KLHDC10: variants seen among roughly 807,000 people sequenced by gnomAD.
The protein encoded by KLHDC10 is kelch domain-containing protein 10.
A neutral mutation model predicts 56.1 loss-of-function variants in KLHDC10; 24 were observed. That is an observed-to-expected ratio of 0.43 (90% CI 0.31 to 0.60). The LOEUF (loss-of-function observed/expected upper bound fraction) is 0.60, where lower values mean the gene tolerates loss of function less well. KLHDC10 is among the 20% of genes least tolerant of loss of function. The pLI is 0.11. For missense variants in KLHDC10, 349 were observed against 567.0 expected, an observed-to-expected ratio of 0.62 and a Z score of 3.91; for synonymous variants, 188 against 207.1, an observed-to-expected ratio of 0.91 and a Z score of 0.79.
In KLHDC10 at chr7:130,120,444, A is replaced by T. The variant is rs568448755; in HGVS notation, c.476-305A>T. Among the ~76,000 whole-genome samples, 2 of 151,918 alleles carry T rather than the reference A, an allele frequency of 1.3e-5. No homozygotes were observed. The highest frequency in any genetic ancestry group is 4.2e-4 in the South Asian group (2 of 4,806). ...GACCAGAAGTGTTTCACATTTCAAAATTTTTTTTTGAATATTTGCATTGTA... is the reference window on the plus strand; with the variant it reads ...GACCAGAAGTGTTTCACATTTCAAATTTTTTTTTTGAATATTTGCATTGTA... On this transcript the variant is annotated intron_variant, in intron 3 of 9. Transcript: ENST00000335420. The surrounding 1 kb of genome is among the most constrained non-coding windows in gnomAD (Gnocchi z 5.1).
At chr7:130,108,609 C>T (rs959391538) in intron 2 of KLHDC10, among the ~76,000 whole-genome samples, 2 of 149,972 alleles carry the variant, frequency 1.3e-5, no homozygotes, top group Admixed American at 6.6e-5. Context: ...GGTCCCAGCA[C>T]TCATCAGGAT....
intron 4 of KLHDC10, among the ~76,000 whole-genome samples, chr7:130,121,841 T>G (rs1796252006): frequency 6.6e-6 from 1 of 152,222 alleles, no homozygotes; most frequent in Non-Finnish European, 1.5e-5. Flanking sequence ...TCCTTTCCAG[T>G]TGAGTAAAGC....
intron 1 of KLHDC10, among the ~76,000 whole-genome samples, chr7:130,084,912 T>TA (rs1795661858): frequency 6.6e-6 from 1 of 152,070 alleles, no homozygotes; most frequent in African/African-American, 2.4e-5. Context: ...GTGTTAAGCT[T>TA]GAGATGCCTA....
chr7:130,129,248 G>A (rs1796363454), intron 8 of KLHDC10, among the ~76,000 whole-genome samples, 189 bp from the exon 9 acceptor site: 2 of 152,162 alleles, frequency 1.3e-5, no homozygotes, highest in Non-Finnish European at 2.9e-5. Context: ...GGAAGACCCT[G>A]ACATAGCATC....
chr7:130,117,849 CAAAAAAA>C lies in KLHDC10; in HGVS notation c.475+1202_475+1208del, dbSNP rs60800057. On this transcript the variant is annotated intron_variant, in intron 3 of 9. Transcript: ENST00000335420. Reference sequence around the variant, plus strand: ...TGGGTGACAGAGTAAGACCCTGTCTCAAAAAAAAAAAAAAAAAAAAAAAAAGAAAAAG... The same window carrying C: ...TGGGTGACAGAGTAAGACCCTGTCTCAAAAAAAAAAAAAAAAAAGAAAAAG... Among the ~76,000 whole-genome samples, 32 of 73,192 alleles carry C rather than the reference CAAAAAAA, an allele frequency of 4.4e-4. No homozygotes were observed. In the Middle Eastern group the frequency reaches 0.035, roughly 80 times the overall value. The allele number at this position is 73,192 out of a possible 152,430, so 48.0% of individuals were successfully genotyped here.
At chr7:130,113,104 C>T (rs912933673) in intron 2 of KLHDC10, among the ~76,000 whole-genome samples, 1 of 152,084 alleles carries the variant, frequency 6.6e-6, no homozygotes, top group African/African-American at 2.4e-5. Context: ...TTTTTGGGTA[C>T]TAAGTCTTTG....
At chr7:130,111,699 C>T (rs372179987) in intron 2 of KLHDC10, among the ~76,000 whole-genome samples, 11 of 151,718 alleles carry the variant, frequency 7.3e-5, no homozygotes, top group Non-Finnish European at 8.8e-5. Context: ...TCAGCCTGAG[C>T]GACAGAGTAA....
chr7:130,119,928 G>T (rs965212560), intron 3 of KLHDC10, among the ~76,000 whole-genome samples: 1 of 151,624 alleles, frequency 6.6e-6, no homozygotes, highest in Non-Finnish European at 1.5e-5. Flanking sequence ...TGAGTGAAGA[G>T]AATACGTGTG....
chr7:130,075,652 T>C (rs1344391501), intron 1 of KLHDC10, among the ~76,000 whole-genome samples: 1 of 152,206 alleles, frequency 6.6e-6, no homozygotes, highest in Non-Finnish European at 1.5e-5. Context: ...CTTTTGCACA[T>C]GAGAGAGTCT....
Position 130,130,039 on chromosome 7 carries a change from G to T in KLHDC10, c.1119+463G>T, listed in dbSNP as rs947487937. Among the ~76,000 whole-genome samples the T allele has an allele frequency of 6.6e-6, 1 of 151,964 alleles. No individual in the cohort carries two copies. Among genetic ancestry groups the T allele is most frequent in the Non-Finnish European group, 1.5e-5 (1 of 68,002 alleles). On this transcript the variant is annotated intron_variant, in intron 9 of 9. Coordinates refer to ENST00000335420, the MANE Select transcript of KLHDC10 (RefSeq NM_014997.4). This position sits in a 1 kb window ranked among gnomAD's most constrained non-coding sequence, Gnocchi z 4.2. ...AAAAAAAAATTCATATATATAGGCC[G>T]GGCGCGGTGGCTCAGGCCTGTAATC...
chr7:130,113,313 A>G (rs1327450442), intron 2 of KLHDC10, among the ~76,000 whole-genome samples: 2 of 151,148 alleles, frequency 1.3e-5, no homozygotes, highest in African/African-American at 2.4e-5. Context: ...TACTTAGTAC[A>G]TAGCCAGCAT....
At position 130,130,534 on chromosome 7, in the gene KLHDC10, T is replaced by C. The variant is rs1796386751; in HGVS notation, c.1120-3T>C. Reference sequence around the variant, plus strand: ...GAATTTGTCCTCTTTTGACTACTCATAGGCTGGTTGCATGTACATTCATGG... The same window carrying C: ...GAATTTGTCCTCTTTTGACTACTCACAGGCTGGTTGCATGTACATTCATGG... On this transcript the variant is annotated splice_polypyrimidine_tract_variant and splice_region_variant and intron_variant, in intron 9 of 9. Transcript: ENST00000335420. This position sits in a 1 kb window ranked among gnomAD's most constrained non-coding sequence, Gnocchi z 4.2. 6.2e-7 allele frequency: 1 copy of C among 1,613,482 alleles called. No individual in the cohort carries two copies. The highest frequency in any genetic ancestry group is 8.5e-7 in the Non-Finnish European group (1 of 1,179,434).
intron 5 of KLHDC10, among the ~76,000 whole-genome samples, chr7:130,123,340 G>A (rs578187319): frequency 2.7e-4 from 41 of 152,060 alleles, no homozygotes; most frequent in African/African-American, 8.2e-4. Flanking sequence ...TGTGGTGGTG[G>A]GCACCTGTAA....
At chr7:130,126,271 T>C (rs1472691863) in intron 7 of KLHDC10, among the ~76,000 whole-genome samples, 5 of 152,170 alleles carry the variant, frequency 3.3e-5, no homozygotes, top group African/African-American at 4.8e-5. Flanking sequence ...TTAGCCATGA[T>C]TGAGCCACTA....
Position 130,070,678 on chromosome 7 carries a change from G to T in KLHDC10, c.35G>T (p.Arg12Leu). 1 of 1,307,578 alleles carries T rather than the reference G, an allele frequency of 7.6e-7. No individual in the cohort carries two copies. The highest frequency in any genetic ancestry group is 3.0e-5 in the East Asian group (1 of 33,746). The allele number at this position is 1,307,578 out of a possible 1,614,324, so 81.0% of individuals were successfully genotyped here. A position where few individuals can be genotyped will look rare whatever the true frequency, so the allele number is the denominator to read the frequency against. Residue 12 changes from arginine (R) to leucine (L), a missense_variant, in exon 1 of 10, where the codon CGG becomes CTG. Coordinates refer to ENST00000335420, the MANE Select transcript of KLHDC10 (RefSeq NM_014997.4). ...GCCCAGGGCTGGGACAGGAACCGCC[G>T]GAGGGGAGGAGGCGCCGCCGGCGCT... ...SAAQGWDRNRRRGGGAAGAGG... is the reference protein window; with the variant it reads ...SAAQGWDRNRLRGGGAAGAGG...
At chr7:130,101,627 A>G (rs1381063246) in intron 2 of KLHDC10, among the ~76,000 whole-genome samples, 1 of 152,158 alleles carries the variant, frequency 6.6e-6, no homozygotes, top group South Asian at 2.1e-4. Context: ...AGGAAAGTAG[A>G]AGATTTGCCT....
chr7:130,117,214 G>A (rs1796180329), intron 3 of KLHDC10, among the ~76,000 whole-genome samples: 1 of 152,300 alleles, frequency 6.6e-6, no homozygotes, highest in Non-Finnish European at 1.5e-5. Flanking sequence ...AGCCTTCAGC[G>A]AGTTGTAATC....
chr7:130,081,191 G>A lies in KLHDC10; in HGVS notation c.166+10382G>A, dbSNP rs560686524. Among the ~76,000 whole-genome samples the A allele has an allele frequency of 3.2e-4, 48 of 151,806 alleles. 1 individual carries two copies. In the South Asian group the frequency reaches 8.9e-3, roughly 28 times the overall value. The stretch of plus-strand genomic sequence containing the variant: ...TTTTTTGTATTTTTAGTAGAGACGG[G>A]GTTTCACCGTGTTTAGCCAGGATGG... On this transcript the variant is annotated intron_variant, in intron 1 of 9. Transcript: ENST00000335420.
intron 1 of KLHDC10, among the ~76,000 whole-genome samples, chr7:130,086,041 G>C (rs548035531): frequency 6.6e-6 from 1 of 152,138 alleles, no homozygotes; most frequent in East Asian, 1.9e-4. Context: ...TTAGAATTTT[G>C]AGGTGCAGCC....
Sources: gnomAD v4.1 joint callset for allele counts (sites outside exome capture counted in the v4.1 genomes callset) on GRCh38, gnomAD v4.1.1 for gene constraint, Gnocchi (gnomAD v3.1) non-coding constraint, MANE v1.5 for transcripts, NCBI Gene and HGNC (gene_info 2026-07-23, HGNC 2026-07-21) for gene names.